The following CCDC172 variants were observed in gnomAD, a reference collection of about 807,000 sequenced individuals.
CCDC172 encodes coiled-coil domain containing 172.
CCDC172 carries 30 observed loss-of-function variants against 38.0 expected under a neutral mutation model. That is an observed-to-expected ratio of 0.79 (90% CI 0.59 to 1.07). The LOEUF is 1.07. Ranked by LOEUF, CCDC172 falls within the 50% of genes least tolerant of loss-of-function variation. The pLI is 0.00. For synonymous variants in CCDC172, 78 were observed against 88.3 expected, an observed-to-expected ratio of 0.88 and a Z score of 0.66; for missense variants, 297 against 290.1, an observed-to-expected ratio of 1.02 and a Z score of -0.17.
chr10:116,350,507 C>A (rs1844917594), intron 5 of CCDC172, among the ~76,000 whole-genome samples: 1 of 152,228 alleles, frequency 6.6e-6, no homozygotes, highest in Non-Finnish European at 1.5e-5. Flanking sequence ...TTCAATATAT[C>A]TGTTTGTAAA....
chr10:116,335,755 T>A (rs1329329451), intron 3 of CCDC172, among the ~76,000 whole-genome samples: 1 of 152,172 alleles, frequency 6.6e-6, no homozygotes, highest in African/African-American at 2.4e-5. Context: ...TTTCCATGCT[T>A]TTTTCTGTTT....
At position 116,357,425 on chromosome 10, in the gene CCDC172, A is replaced by C; in HGVS notation, c.494A>C (p.Gln165Pro). The change falls in exon 6 of 9, where the codon CAA (glutamine) becomes CCA (proline). Residue 165 changes from glutamine (Q) to proline (P), a missense_variant. Gln to Pro is a moderately conservative substitution (Grantham distance 76). Coordinates refer to ENST00000333254, the MANE Select transcript of CCDC172 (RefSeq NM_198515.3). ...EHDSSQLNEL[Q>P]KQKSELIQEL... ...GATAGTAGCCAGTTAAATGAACTTC[A>C]AAAACAAAAGAGTGAATTGATACAA... is the stretch of plus-strand genomic sequence containing the variant. 8 of 1,585,748 alleles carry C rather than the reference A, an allele frequency of 5.0e-6. No individual in the cohort carries two copies. The highest frequency in any genetic ancestry group is 6.8e-6 in the Non-Finnish European group (8 of 1,168,520).
intron 5 of CCDC172, among the ~76,000 whole-genome samples, chr10:116,356,938 A>T (rs1412515517): frequency 6.6e-6 from 1 of 152,112 alleles, no homozygotes; most frequent in East Asian, 1.9e-4. Flanking sequence ...CAGTTTCTTA[A>T]AAAGAGTTAC....
At chr10:116,346,160 C>T (rs1046738587) in intron 5 of CCDC172, among the ~76,000 whole-genome samples, 3 of 151,776 alleles carry the variant, frequency 2.0e-5, no homozygotes, top group Admixed American at 6.6e-5. Context: ...GGCGTGGTGT[C>T]GGGCACCTGT....
intron 7 of CCDC172, among the ~76,000 whole-genome samples, chr10:116,367,482 G>A (rs957995338): frequency 3.3e-5 from 5 of 152,058 alleles, no homozygotes; most frequent in Non-Finnish European, 5.9e-5. Context: ...AAGGTCAGGG[G>A]ATCGAGACCA....
At chr10:116,359,877 C>T (rs1316347482) in intron 7 of CCDC172, among the ~76,000 whole-genome samples, 1 of 152,042 alleles carries the variant, frequency 6.6e-6, no homozygotes, top group African/African-American at 2.4e-5. Context: ...GCTTAATATG[C>T]CATGTTCAGG....
chr10:116,326,083 T>C (rs1183770544), intron 3 of CCDC172, among the ~76,000 whole-genome samples: 1 of 152,100 alleles, frequency 6.6e-6, no homozygotes. Flanking sequence ...CAGAAAACCG[T>C]TGCAAGTTCC....
At chr10:116,346,224 G>A (rs1354955750) in intron 5 of CCDC172, among the ~76,000 whole-genome samples, 6 of 150,550 alleles carry the variant, frequency 4.0e-5, no homozygotes, top group African/African-American at 7.4e-5. Context: ...CCCAGGAGGC[G>A]GAGGTTGCAG....
At chr10:116,354,041 G>C (rs116396995) in intron 5 of CCDC172, among the ~76,000 whole-genome samples, 1 of 152,178 alleles carries the variant, frequency 6.6e-6, no homozygotes. Flanking sequence ...TTGTACAGTC[G>C]TGCACCACAT....
At chr10:116,341,441 T>G (rs1289301736) in intron 4 of CCDC172, among the ~76,000 whole-genome samples, 1 of 152,070 alleles carries the variant, frequency 6.6e-6, no homozygotes, top group South Asian at 2.1e-4. Flanking sequence ...AATGTTTATA[T>G]TCTAGCATTG....
In CCDC172 at chr10:116,340,782, C is replaced by T; in HGVS notation, c.214C>T (p.His72Tyr). 1 of 1,606,030 alleles carries T rather than the reference C, an allele frequency of 6.2e-7. No individual in the cohort carries two copies. The highest frequency in any genetic ancestry group is 8.5e-7 in the Non-Finnish European group (1 of 1,175,174). ...KSFFLQLLKA[H>Y]ENALEKQYSE... ...CTTCTTCTTACAGCTTTTGAAAGCT[C>T]ATGAAAATGCTTTAGAAAAACAGTA... The change falls in exon 4 of 9, where the codon CAT (histidine) becomes TAT (tyrosine). Residue 72 changes from histidine (H) to tyrosine (Y), a missense_variant. Coordinates refer to ENST00000333254, the MANE Select transcript of CCDC172 (RefSeq NM_198515.3).
At chr10:116,371,371 C>T (rs949075651) in intron 7 of CCDC172, among the ~76,000 whole-genome samples, 2 of 151,764 alleles carry the variant, frequency 1.3e-5, no homozygotes, top group Non-Finnish European at 2.9e-5. Context: ...TTTAACCATA[C>T]ATTAATTCCG....
At chr10:116,334,411 A>C (rs1844704373) in intron 3 of CCDC172, among the ~76,000 whole-genome samples, 1 of 152,204 alleles carries the variant, frequency 6.6e-6, no homozygotes, top group Admixed American at 6.5e-5. Flanking sequence ...AAGCAGAGTG[A>C]AAATCACCTA....
At chr10:116,363,724 G>A (rs1845090460) in intron 7 of CCDC172, among the ~76,000 whole-genome samples, 2 of 152,156 alleles carry the variant, frequency 1.3e-5, no homozygotes, top group South Asian at 2.1e-4. Context: ...ATCACCTGAG[G>A]TAAGGAGTTC....
At chr10:116,351,621 G>A (rs904251528) in intron 5 of CCDC172, among the ~76,000 whole-genome samples, 16 of 152,032 alleles carry the variant, frequency 1.1e-4, no homozygotes, top group African/African-American at 3.4e-4. Flanking sequence ...TTTACGTATC[G>A]TCATGAGGAA....
Position 116,379,378 on chromosome 10 carries a change from C to A in CCDC172, c.*20C>A. ...AAATAACTTACAGAGAATTGATCAG[C>A]CATCTGAGATTTGATCAGAATATCT... is the stretch of plus-strand genomic sequence containing the variant. On this transcript the variant is annotated 3_prime_UTR_variant, in exon 9 of 9. Coordinates refer to ENST00000333254, the MANE Select transcript of CCDC172 (RefSeq NM_198515.3). 6.5e-7 allele frequency: 1 copy of A among 1,548,092 alleles called. No homozygotes were observed. Among genetic ancestry groups the A allele is most frequent in the Non-Finnish European group, 8.8e-7 (1 of 1,139,110 alleles).
intron 5 of CCDC172, among the ~76,000 whole-genome samples, chr10:116,356,333 AAAAAG>A (rs1844996093): frequency 6.8e-6 from 1 of 146,102 alleles, no homozygotes; most frequent in South Asian, 2.2e-4. Context: ...CCACTCAGAA[AAAAAG>A]AAAAGAAAGA....
At chr10:116,356,185 C>A (rs1408115905) in intron 5 of CCDC172, among the ~76,000 whole-genome samples, 1 of 151,910 alleles carries the variant, frequency 6.6e-6, no homozygotes, top group Non-Finnish European at 1.5e-5. Context: ...CAAAAATTAG[C>A]CAGGCATGGT....
At chr10:116,335,319 T>G (rs1188070973) in intron 3 of CCDC172, among the ~76,000 whole-genome samples, 3 of 152,018 alleles carry the variant, frequency 2.0e-5, no homozygotes, top group Non-Finnish European at 4.4e-5. Flanking sequence ...TGTGCGTGTA[T>G]ATATCTATAC....
Sources: allele counts gnomAD v4.1 joint callset (sites outside exome capture counted in the v4.1 genomes callset), GRCh38; gene constraint gnomAD v4.1.1; transcripts MANE v1.5; gene names NCBI Gene and HGNC (gene_info 2026-07-23, HGNC 2026-07-21).